The following PACC1 variants were observed in gnomAD, a reference collection of about 807,000 sequenced individuals.
PACC1 encodes the protein proton-activated chloride channel.
Under a neutral mutation model 39.7 loss-of-function variants are expected in PACC1, and 34 were observed. That is an observed-to-expected ratio of 0.86 (90% CI 0.65 to 1.14). The LOEUF (loss-of-function observed/expected upper bound fraction) is 1.14. Ranked by LOEUF, PACC1 falls within the 50% of genes most tolerant of loss-of-function variation. The probability of loss-of-function intolerance (pLI) is 0.00; values close to 1 mark genes in which losing one functional copy is unlikely to be tolerated. For missense variants in PACC1, 379 were observed against 436.4 expected (o/e 0.87, Z 1.17); for synonymous variants, 127 against 160.6 (o/e 0.79, Z 1.58).
chr1:212,376,577 T>C (rs951691003), intron 6 of PACC1, among the ~76,000 whole-genome samples: 4 of 152,188 alleles, frequency 2.6e-5, no homozygotes, highest in Non-Finnish European at 4.4e-5. Context: ...CTTGAATTTC[T>C]TGGAGCAAAT....
intron 3 of PACC1, 115 bp from the exon 4 acceptor site, chr1:212,385,540 G>A (rs1212701817): frequency 3.5e-5 from 39 of 1,120,868 alleles, no homozygotes; most frequent in Non-Finnish European, 5.1e-5. Flanking sequence ...GGACTGCAGG[G>A]AAGGGAGAAG....
intron 4 of PACC1, among the ~76,000 whole-genome samples, chr1:212,381,048 T>C (rs1455940153): frequency 6.6e-6 from 1 of 152,254 alleles, no homozygotes; most frequent in Non-Finnish European, 1.5e-5. Context: ...CCCACATGTA[T>C]ACACACACAT....
intron 2 of PACC1, among the ~76,000 whole-genome samples, chr1:212,397,691 A>G (rs2102522932): frequency 6.6e-6 from 1 of 152,200 alleles, no homozygotes; most frequent in East Asian, 1.9e-4. Context: ...ACATATAAGG[A>G]TATAAAACAT....
chr1:212,389,073 A>G, intron 2 of PACC1, among the ~76,000 whole-genome samples: 1 of 152,240 alleles, frequency 6.6e-6, no homozygotes, highest in East Asian at 1.9e-4. Flanking sequence ...AAGCAGGTAG[A>G]AATTGAAAGA....
Position 212,397,839 on chromosome 1 carries a change from C to A in PACC1, c.134-10739G>T, listed in dbSNP as rs192076625. 7.6e-4 allele frequency among the ~76,000 whole-genome samples: 115 copies of A among 152,238 alleles called. No individual in the cohort carries two copies. In the East Asian group the frequency reaches 0.018, roughly 24 times the overall value. On this transcript the variant is annotated intron_variant, in intron 2 of 7. Coordinates refer to ENST00000261455, the MANE Select transcript of PACC1 (RefSeq NM_018252.3). ...TTTAAGGAAGAAATAATTTGGTTTC[C>A]ATTATTCATTTATTTTCTGACTGAA...
rs1292984180 is a variant in PACC1 at position 212,414,067 on chromosome 1, G to C, written c.36+655C>G. 5 of 1,534,424 alleles carry C rather than the reference G, an allele frequency of 3.3e-6. No individual in the cohort carries two copies. Among genetic ancestry groups the C allele is most frequent in the East Asian group, 4.9e-5 (2 of 40,904 alleles). ...GAGGCAGGGCTTGCTTGAAGGAAGC[G>C]CTGGACGCACAGCCTGCAGCGCAGG... On this transcript the variant is annotated intron_variant, in intron 1 of 7. Coordinates refer to ENST00000261455, the MANE Select transcript of PACC1 (RefSeq NM_018252.3).
intron 7 of PACC1, among the ~76,000 whole-genome samples, chr1:212,371,215 C>T (rs1244168093): frequency 1.4e-5 from 2 of 139,970 alleles, no homozygotes; most frequent in Non-Finnish European, 3.0e-5. Context: ...TGCACTCCAG[C>T]CTTGTGATAG....
rs1402413458 is a variant in PACC1, at chr1:212,395,167, C to T, written c.134-8067G>A. Among the ~76,000 whole-genome samples, 13 of 152,276 alleles carry T rather than the reference C, an allele frequency of 8.5e-5. No homozygotes were observed. In the South Asian group the frequency reaches 1.2e-3, roughly 15 times the overall value. On this transcript the variant is annotated intron_variant, in intron 2 of 7. Coordinates refer to ENST00000261455, the MANE Select transcript of PACC1 (RefSeq NM_018252.3). ...CAAAAGAACAAAGCTGGAGGCATCA[C>T]GCTACCTGACTTCAAACTATACTAC...
intron 3 of PACC1, 146 bp from the exon 4 acceptor site, chr1:212,385,571 G>A (rs1661072819): frequency 1.2e-6 from 1 of 840,672 alleles, no homozygotes; most frequent in Non-Finnish European, 1.9e-6. Context: ...CAGAGGGTGA[G>A]GAGCCACATC....
intron 5 of PACC1, among the ~76,000 whole-genome samples, chr1:212,379,228 C>T (rs1393480276): frequency 2.0e-5 from 3 of 152,190 alleles, no homozygotes; most frequent in East Asian, 1.9e-4. Flanking sequence ...CAGGTGTGAG[C>T]CACCACACCT....
intron 2 of PACC1, among the ~76,000 whole-genome samples, chr1:212,399,486 C>T (rs1016547538): frequency 9.9e-5 from 15 of 151,552 alleles, no homozygotes; most frequent in African/African-American, 2.2e-4. Flanking sequence ...TTAAGAGACA[C>T]GGTCTCACTC....
chr1:212,388,054 CAAA>C (rs57874166), intron 2 of PACC1, among the ~76,000 whole-genome samples: 6 of 100,570 alleles, frequency 6.0e-5, no homozygotes, highest in African/African-American at 6.3e-5. Flanking sequence ...AACTCCATCT[CAAA>C]AAAAAAAAAA....
intron 7 of PACC1, among the ~76,000 whole-genome samples, chr1:212,372,821 G>A (rs1024590796): frequency 2.0e-5 from 3 of 151,878 alleles, no homozygotes; most frequent in African/African-American, 4.8e-5. Flanking sequence ...TAAAAAAATC[G>A]CTATAATGAA....
At chr1:212,383,606 G>C (rs1660986891) in intron 4 of PACC1, among the ~76,000 whole-genome samples, 1 of 152,144 alleles carries the variant, frequency 6.6e-6, no homozygotes, top group South Asian at 2.1e-4. Context: ...GCAAATGTCT[G>C]GTGACCATTA....
chr1:212,409,454 G>A (rs1243895614), intron 2 of PACC1, among the ~76,000 whole-genome samples: 2 of 152,174 alleles, frequency 1.3e-5, no homozygotes, highest in Non-Finnish European at 2.9e-5. Context: ...AGGCCCTGTG[G>A]TGAGAGGGAA....
rs1660153984 is a variant in PACC1, at chr1:212,364,249, TAA to T, written c.*964_*965del. 6.6e-6 allele frequency: 1 copy of T among 152,162 alleles called. No homozygotes were observed. Among genetic ancestry groups the T allele is most frequent in the South Asian group, 2.1e-4 (1 of 4,830 alleles). The allele number at this position is 152,162 out of a possible 1,614,324, so 9.4% of individuals were successfully genotyped here. On this transcript the variant is annotated 3_prime_UTR_variant, in exon 8 of 8. Transcript: ENST00000261455. ...ATGATGGGTAGTTTTGTGGACACAG[TAA>T]AGAGTTAACCCAGCTTCCTCGGGGA...
rs761269916 is a variant in PACC1, at chr1:212,414,868, C to G, written c.-111G>C. ...ACCGGCTCCGCGAGGCGAAACCGGT[C>G]CGGAGGGGCGTCCCAGAGACCAGGC... On this transcript the variant is annotated 5_prime_UTR_variant, in exon 1 of 8. Coordinates refer to ENST00000261455, the MANE Select transcript of PACC1 (RefSeq NM_018252.3). The G allele has an allele frequency of 1.3e-4, 189 of 1,411,900 alleles. No homozygotes were observed. The highest frequency in any genetic ancestry group is 1.8e-4 in the Non-Finnish European group (186 of 1,022,124). 87.5% of individuals were successfully genotyped at this position (1,411,900 alleles called of 1,614,324 possible). A position where few individuals can be genotyped will look rare whatever the true frequency, so the allele number is the denominator to read the frequency against.
intron 7 of PACC1, among the ~76,000 whole-genome samples, chr1:212,368,755 G>A (rs113334913): frequency 3.2e-4 from 49 of 152,202 alleles, no homozygotes; most frequent in African/African-American, 1.0e-3. Flanking sequence ...GGCCTTGGCC[G>A]GGTGCGGTGG....
intron 2 of PACC1, among the ~76,000 whole-genome samples, chr1:212,406,845 G>A (rs1661937628): frequency 6.6e-6 from 1 of 152,184 alleles, no homozygotes; most frequent in Admixed American, 6.5e-5. Context: ...AAGGACATTA[G>A]GGCCACCTCC....
Sources: gnomAD v4.1 joint callset for allele counts (sites outside exome capture counted in the v4.1 genomes callset) on GRCh38, gnomAD v4.1.1 for gene constraint, MANE v1.5 for transcripts, NCBI Gene and HGNC (gene_info 2026-07-23, HGNC 2026-07-21) for gene names.